Variants in ERC2 observed in about 807,000 individuals in gnomAD.
The protein encoded by ERC2 is ELKS/RAB6-interacting/CAST family member 2, also known as ERC protein 2.
ERC2 carries 42 observed loss-of-function variants against 114.8 expected under a neutral mutation model. The ratio of observed to expected loss-of-function variants is 0.37; its 90% confidence interval spans 0.29 to 0.47. ERC2 has a LOEUF of 0.47. Among genes scored for constraint, ERC2 ranks in the 20% least tolerant of loss-of-function variants. The pLI is 0.99. For missense variants in ERC2, 939 were observed against 1,150.7 expected (o/e 0.82, Z 2.66); for synonymous variants, 454 against 425.5 (o/e 1.07, Z -0.82).
At chr3:55,595,246 C>T (rs2058075481) in intron 17 of ERC2, among the ~76,000 whole-genome samples, 1 of 152,122 alleles carries the variant, frequency 6.6e-6, no homozygotes, top group African/African-American at 2.4e-5. Context: ...AAATGTCAAC[C>T]AAAAGATTGA....
intron 17 of ERC2, among the ~76,000 whole-genome samples, chr3:55,607,713 C>T (rs2058705715): frequency 6.7e-6 from 1 of 150,324 alleles, no homozygotes; most frequent in African/African-American, 2.4e-5. Flanking sequence ...CCTTTCTGCA[C>T]ACCAGCATCG....
intron 7 of ERC2, among the ~76,000 whole-genome samples, chr3:56,032,885 A>AAGAAAGAAAGAAAGAAAG (rs1553781723): frequency 1.1e-4 from 9 of 79,264 alleles, no homozygotes; most frequent in African/African-American, 3.3e-4. Flanking sequence ...GAAAGAAAGA[A>AAGAAAGAAAGAAAGAAAG]AGAGAGAGAG....
intron 3 of ERC2, among the ~76,000 whole-genome samples, chr3:56,291,305 T>C (rs1217592338): frequency 1.3e-5 from 2 of 152,134 alleles, no homozygotes; most frequent in Non-Finnish European, 2.9e-5. Flanking sequence ...TAATGCTGAG[T>C]TTCGGCCAAC....
intron 3 of ERC2, among the ~76,000 whole-genome samples, chr3:56,292,303 G>A (rs937537566): frequency 6.6e-6 from 1 of 151,866 alleles, no homozygotes; most frequent in Non-Finnish European, 1.5e-5. Flanking sequence ...TGGGATGTAG[G>A]CCAGGCACGG....
intron 1 of ERC2, among the ~76,000 whole-genome samples, chr3:56,466,274 T>G (rs2063541899): frequency 6.6e-6 from 1 of 152,250 alleles, no homozygotes; most frequent in Non-Finnish European, 1.5e-5. Flanking sequence ...AAAGGCTTAA[T>G]TCACAGAATT....
In ERC2 at chr3:56,362,403, C is replaced by T. The variant is rs571597609; in HGVS notation, c.658-65968G>A. ...GGAACAAGGGTACATCACACCTTCCCATTCCAAGATGCTGCTTTTGCCAGG... is the reference window on the plus strand; with the variant it reads ...GGAACAAGGGTACATCACACCTTCCTATTCCAAGATGCTGCTTTTGCCAGG... On this transcript the variant is annotated intron_variant, in intron 2 of 17. Transcript: ENST00000288221. Among the ~76,000 whole-genome samples the T allele has an allele frequency of 2.0e-5, 3 of 152,296 alleles. No homozygotes were observed. The East Asian group carries it at 5.8e-4, about 29-fold the overall frequency.
intron 7 of ERC2, among the ~76,000 whole-genome samples, chr3:56,044,767 C>T (rs1396471728): frequency 1.3e-5 from 2 of 152,098 alleles, no homozygotes; most frequent in African/African-American, 4.8e-5. Context: ...CATTTTTGGA[C>T]TCTTGCATCT....
chr3:56,155,363 GAAAA>G (rs201714845), intron 4 of ERC2, among the ~76,000 whole-genome samples: 1 of 75,000 alleles, frequency 1.3e-5, no homozygotes, highest in African/African-American at 4.9e-5. Context: ...TAAGGAAAAT[GAAAA>G]AAAAAAAAAA....
chr3:55,851,685 C>T (rs2061578319), intron 14 of ERC2, among the ~76,000 whole-genome samples: 1 of 151,712 alleles, frequency 6.6e-6, no homozygotes, highest in Non-Finnish European at 1.5e-5. Flanking sequence ...TTTTCCTGCC[C>T]ACCTAACTTT....
intron 17 of ERC2, among the ~76,000 whole-genome samples, chr3:55,567,495 C>T (rs565530074): frequency 1.3e-5 from 2 of 152,252 alleles, no homozygotes; most frequent in South Asian, 4.1e-4. Context: ...AGAGCTTGAT[C>T]TGATTTTCAT....
At position 55,714,661 on chromosome 3, in the gene ERC2, GTGTGTGTATATATATATATATATATA is replaced by G. The variant is rs1345874230; in HGVS notation, c.2713-15175_2713-15150del. On this transcript the variant is annotated intron_variant, in intron 15 of 17. Transcript: ENST00000288221. ...TATATGTGTGTGTGTGTGTGTGTGTGTGTGTGTATATATATATATATATATATATATATATATATATATATATATAT... is the reference window on the plus strand; with the variant it reads ...TATATGTGTGTGTGTGTGTGTGTGTGTATATATATATATATATATATATAT... 8.8e-3 allele frequency among the ~76,000 whole-genome samples: 632 copies of G among 71,754 alleles called. 19 individuals carry two copies. The highest frequency in any genetic ancestry group is 0.033 in the African/African-American group (565 of 17,132). The allele number at this position is 71,754 out of a possible 152,430, so 47.1% of individuals were successfully genotyped here. A position where few individuals can be genotyped will look rare whatever the true frequency, so the allele number is the denominator to read the frequency against.
rs145727159 is a variant in ERC2, at chr3:56,264,425, C to T, written c.1074+31594G>A. 2.7e-3 allele frequency among the ~76,000 whole-genome samples: 415 copies of T among 151,996 alleles called. 3 individuals are homozygous for T. The highest frequency in any genetic ancestry group is 9.4e-3 in the African/African-American group (388 of 41,484). On this transcript the variant is annotated intron_variant, in intron 3 of 17. Coordinates refer to ENST00000288221, the MANE Select transcript of ERC2 (RefSeq NM_015576.3). ...CAGCCTGGCCAACGTGGTGAAACCC[C>T]GCCTCTACTGAAAATACAAAAATTA... is the stretch of plus-strand genomic sequence containing the variant.
At chr3:56,115,630 G>C (rs968021247) in intron 6 of ERC2, among the ~76,000 whole-genome samples, 1 of 152,032 alleles carries the variant, frequency 6.6e-6, no homozygotes, top group Non-Finnish European at 1.5e-5. Context: ...AATTCCCAGA[G>C]AAACAATTTT....
intron 4 of ERC2, among the ~76,000 whole-genome samples, chr3:56,160,438 C>T (rs2081984449): frequency 6.6e-6 from 1 of 152,088 alleles, no homozygotes; most frequent in Non-Finnish European, 1.5e-5. Context: ...TTTGTTTCCT[C>T]TGTTAATAGT....
intron 7 of ERC2, among the ~76,000 whole-genome samples, chr3:56,030,299 C>G (rs1437029553): frequency 6.6e-6 from 1 of 152,104 alleles, no homozygotes; most frequent in Non-Finnish European, 1.5e-5. Flanking sequence ...TGGGAATATT[C>G]TATAAATAGC....
At chr3:56,449,338 C>A (rs981215916) in intron 1 of ERC2, among the ~76,000 whole-genome samples, 1 of 152,178 alleles carries the variant, frequency 6.6e-6, no homozygotes, top group Admixed American at 6.5e-5. Flanking sequence ...GCACAGGCTC[C>A]AGGTGGGCAC....
At chr3:56,055,285 G>T (rs1298986685) in intron 7 of ERC2, among the ~76,000 whole-genome samples, 2 of 152,208 alleles carry the variant, frequency 1.3e-5, no homozygotes, top group African/African-American at 4.8e-5. Context: ...CCCTGATGGG[G>T]AGGGCAGACT....
At chr3:56,230,476 T>C (rs2050546767) in intron 3 of ERC2, among the ~76,000 whole-genome samples, 1 of 152,034 alleles carries the variant, frequency 6.6e-6, no homozygotes, top group South Asian at 2.1e-4. Context: ...CCCAGGTTGA[T>C]CTAGAACTCC....
At chr3:55,949,088 G>A (rs2067312704) in intron 13 of ERC2, among the ~76,000 whole-genome samples, 1 of 152,008 alleles carries the variant, frequency 6.6e-6, no homozygotes, top group Non-Finnish European at 1.5e-5. Context: ...GGGCCCACCT[G>A]GACAGGCGCA....
Sources: allele counts gnomAD v4.1 joint callset (sites outside exome capture counted in the v4.1 genomes callset), GRCh38; gene constraint gnomAD v4.1.1; transcripts MANE v1.5; gene names NCBI Gene and HGNC (gene_info 2026-07-23, HGNC 2026-07-21).